The following NRXN3 variants were observed in gnomAD, a reference collection of about 807,000 sequenced individuals.
NRXN3 encodes neurexin 3, also known as neurexin III.
Under a neutral mutation model 137.6 loss-of-function variants are expected in NRXN3, and 32 were observed. The ratio of observed to expected loss-of-function variants is 0.23; its 90% CI spans 0.18 to 0.31. The LOEUF (loss-of-function observed/expected upper bound fraction) is 0.31, where lower values mean the gene tolerates loss of function less well. Among genes scored for constraint, NRXN3 ranks in the 10% least tolerant of loss-of-function variants. The pLI is 1.00. For synonymous variants in NRXN3, 798 were observed against 784.5 expected (o/e 1.02, Z -0.29); for missense variants, 1,574 against 2,062.5 (o/e 0.76, Z 4.59).
intron 4 of NRXN3, among the ~76,000 whole-genome samples, chr14:78,456,691 C>A (rs2094712137): frequency 6.6e-6 from 1 of 152,096 alleles, no homozygotes; most frequent in Admixed American, 6.5e-5. Flanking sequence ...TATCCTAGCC[C>A]ATGGGAGGGT....
intron 10 of NRXN3, among the ~76,000 whole-genome samples, chr14:78,849,633 T>C (rs2099037244): frequency 6.6e-6 from 1 of 152,130 alleles, no homozygotes; most frequent in African/African-American, 2.4e-5. Flanking sequence ...AATACTATCA[T>C]TTTATTTAAT....
At position 78,593,265 on chromosome 14, in the gene NRXN3, C is replaced by T. The variant is rs750878992; in HGVS notation, c.758-51855C>T. ...TCTTCTCTATTTAAAGACATATTAA[C>T]ATCTCTAGCTCTACCTGGAGGAAAA... On this transcript the variant is annotated intron_variant, in intron 4 of 20. Coordinates refer to ENST00000335750, the MANE Select transcript of NRXN3 (RefSeq NM_001330195.2). Among the ~76,000 whole-genome samples, 44 of 152,306 alleles carry T rather than the reference C, an allele frequency of 2.9e-4. 1 individual carries two copies. The highest frequency in any genetic ancestry group is 4.7e-4 in the Non-Finnish European group (32 of 68,032).
intron 15 of NRXN3, among the ~76,000 whole-genome samples, chr14:79,096,171 C>T (rs1468907452): frequency 6.6e-6 from 1 of 151,478 alleles, no homozygotes; most frequent in Non-Finnish European, 1.5e-5. Context: ...GCAGTGGCAC[C>T]ATCTCGGCTC....
chr14:78,332,317 TC>T (rs1220333303), intron 4 of NRXN3, among the ~76,000 whole-genome samples: 2 of 74,458 alleles, frequency 2.7e-5, no homozygotes, highest in Admixed American at 2.6e-4. Flanking sequence ...CTTTTCTTCT[TC>T]TTTTTTTTTT....
intron 20 of NRXN3, among the ~76,000 whole-genome samples, chr14:79,814,561 C>T (rs2099245919): frequency 6.6e-6 from 1 of 152,184 alleles, no homozygotes. Context: ...ACTCAAACAG[C>T]AAACTGATCA....
At chr14:79,740,712 T>TTTTATATATA (rs1555679790) in intron 19 of NRXN3, among the ~76,000 whole-genome samples, 2 of 16,132 alleles carry the variant, frequency 1.2e-4, no homozygotes, top group Admixed American at 1.0e-3. Flanking sequence ...ATTTAGTTTT[T>TTTTATATATA]TATATATATA....
At chr14:79,044,291 T>C (rs994658787) in intron 15 of NRXN3, among the ~76,000 whole-genome samples, 4 of 152,220 alleles carry the variant, frequency 2.6e-5, no homozygotes, top group Non-Finnish European at 5.9e-5. Context: ...GCAGTAGTTA[T>C]ATGCACATAT....
chr14:78,567,827 G>A (rs576273910), intron 4 of NRXN3, among the ~76,000 whole-genome samples: 40 of 152,176 alleles, frequency 2.6e-4, no homozygotes, highest in African/African-American at 9.2e-4. Flanking sequence ...GGAATATGGT[G>A]AGTGACACTG....
At chr14:78,599,667 C>T (rs760489449) in intron 4 of NRXN3, among the ~76,000 whole-genome samples, 2 of 152,124 alleles carry the variant, frequency 1.3e-5, no homozygotes, top group Non-Finnish European at 2.9e-5. Context: ...ATTTTTTGTC[C>T]CTACAGCCTA....
intron 4 of NRXN3, among the ~76,000 whole-genome samples, chr14:78,490,315 C>A (rs2095643458): frequency 6.6e-6 from 1 of 152,192 alleles, no homozygotes; most frequent in Non-Finnish European, 1.5e-5. Context: ...CTAGGCTTAA[C>A]TGAGCCTCTA....
intron 15 of NRXN3, among the ~76,000 whole-genome samples, chr14:79,187,522 C>T (rs1052368384): frequency 2.0e-5 from 3 of 152,134 alleles, no homozygotes; most frequent in Non-Finnish European, 4.4e-5. Context: ...ATTCTGTGCT[C>T]ACCATAATGA....
chr14:79,305,411 C>T (rs1167498166), intron 15 of NRXN3, among the ~76,000 whole-genome samples: 1 of 152,036 alleles, frequency 6.6e-6, no homozygotes, highest in East Asian at 1.9e-4. Context: ...AGAGATTCCA[C>T]AGCCAATGTA....
chr14:79,387,775 TA>T (rs1328549711), intron 15 of NRXN3, among the ~76,000 whole-genome samples: 1 of 151,440 alleles, frequency 6.6e-6, no homozygotes, highest in Non-Finnish European at 1.5e-5. Flanking sequence ...TATGCAGCCA[TA>T]AAAAAGGATG....
intron 15 of NRXN3, among the ~76,000 whole-genome samples, chr14:79,410,787 C>T (rs1447706952): frequency 6.6e-6 from 1 of 152,072 alleles, no homozygotes; most frequent in Non-Finnish European, 1.5e-5. Context: ...TTTATCAATC[C>T]TTTGTTGAGT....
At chr14:79,486,055 C>G (rs1360787327) in intron 16 of NRXN3, among the ~76,000 whole-genome samples, 1 of 151,956 alleles carries the variant, frequency 6.6e-6, no homozygotes, top group Non-Finnish European at 1.5e-5. Context: ...TCAGACCTGT[C>G]TTTGTGGCTT....
chr14:79,408,347 G>A (rs2095353198), intron 15 of NRXN3, among the ~76,000 whole-genome samples: 1 of 152,036 alleles, frequency 6.6e-6, no homozygotes, highest in Non-Finnish European at 1.5e-5. Flanking sequence ...AATTTTCTAG[G>A]ACGCAGCCCA....
chr14:78,202,576 A>G (rs899544780), intron 1 of NRXN3, among the ~76,000 whole-genome samples: 2 of 152,178 alleles, frequency 1.3e-5, no homozygotes, highest in African/African-American at 4.8e-5. Flanking sequence ...AAAATCTGTT[A>G]GATGGAAAAA....
intron 15 of NRXN3, among the ~76,000 whole-genome samples, chr14:79,239,400 A>G (rs1044556271): frequency 6.6e-6 from 1 of 152,100 alleles, no homozygotes; most frequent in African/African-American, 2.4e-5. Flanking sequence ...TGGATAAAGG[A>G]TCTGAGACTC....
intron 15 of NRXN3, among the ~76,000 whole-genome samples, chr14:79,228,985 A>G (rs2071606657): frequency 6.6e-6 from 1 of 152,138 alleles, no homozygotes; most frequent in South Asian, 2.1e-4. Context: ...CATTGGTTAC[A>G]ACCTCCTTCT....
Sources: allele counts gnomAD v4.1 joint callset (sites outside exome capture counted in the v4.1 genomes callset), GRCh38; gene constraint gnomAD v4.1.1; transcripts MANE v1.5; gene names NCBI Gene and HGNC (gene_info 2026-07-23, HGNC 2026-07-21).